ACTR3: variants seen among roughly 807,000 people sequenced by gnomAD.
The protein encoded by ACTR3 is actin related protein 3, also known as actin-related protein 3.
Under a neutral mutation model 56.8 loss-of-function variants are expected in ACTR3, and 12 were observed. That is an observed-to-expected ratio of 0.21 (90% confidence interval 0.14 to 0.34). The LOEUF is 0.34. Among genes scored for constraint, ACTR3 ranks in the 10% least tolerant of loss-of-function variants. ACTR3 has a pLI of 1.00. For missense variants in ACTR3, 282 were observed against 512.5 expected (o/e 0.55, Z 4.34); for synonymous variants, 162 against 167.4 (o/e 0.97, Z 0.25).
chr2:113,890,349 G>C, intron 1 of ACTR3, 26 bp downstream of exon 1: 1 of 1,474,174 alleles, frequency 6.8e-7, no homozygotes, highest in Non-Finnish European at 9.2e-7. Context: ...GGCGGGGGTG[G>C]GGAAACTGAG....
chr2:113,910,190 A>G (rs1383855447), intron 1 of ACTR3, among the ~76,000 whole-genome samples: 1 of 152,132 alleles, frequency 6.6e-6, no homozygotes, highest in Non-Finnish European at 1.5e-5. Context: ...TAAGTTGATC[A>G]CCAGTGGCCA....
chr2:113,947,846 G>A (rs1340826750), intron 8 of ACTR3, among the ~76,000 whole-genome samples: 2 of 151,766 alleles, frequency 1.3e-5, no homozygotes, highest in African/African-American at 4.8e-5. Context: ...AACATTTTCT[G>A]TTGTCTATAG....
chr2:113,908,560 A>G (rs1331317583), intron 1 of ACTR3, among the ~76,000 whole-genome samples: 2 of 151,994 alleles, frequency 1.3e-5, no homozygotes, highest in Admixed American at 6.5e-5. Flanking sequence ...CTCACATATA[A>G]GCATTAAAGT....
intron 3 of ACTR3, among the ~76,000 whole-genome samples, chr2:113,924,054 CTTTTT>C (rs35658755): frequency 1.5e-5 from 2 of 134,978 alleles, no homozygotes; most frequent in Non-Finnish European, 1.6e-5. Flanking sequence ...ACTTTTTTCT[CTTTTT>C]TTTTTTTTTT....
intron 1 of ACTR3, among the ~76,000 whole-genome samples, chr2:113,909,620 TG>T (rs1269347203): frequency 7.0e-6 from 1 of 142,212 alleles, no homozygotes; most frequent in Non-Finnish European, 1.5e-5. Context: ...TTGTTGTTGT[TG>T]TTTTTTTTTT....
chr2:113,924,501 T>G (rs1679580373), intron 3 of ACTR3, among the ~76,000 whole-genome samples: 1 of 152,192 alleles, frequency 6.6e-6, no homozygotes, highest in Admixed American at 6.5e-5. Context: ...GCTGCTATAA[T>G]AGTCTTCCTA....
intron 8 of ACTR3, among the ~76,000 whole-genome samples, chr2:113,943,633 A>G (rs1450823129): frequency 2.6e-5 from 4 of 152,140 alleles, no homozygotes; most frequent in Non-Finnish European, 5.9e-5. Flanking sequence ...GGTGAGAGAA[A>G]AATAGAATCA....
At position 113,934,286 on chromosome 2, in the gene ACTR3, T is replaced by C; in HGVS notation, c.440T>C (p.Leu147Pro). 6.3e-7 allele frequency: 1 copy of C among 1,596,536 alleles called. No homozygotes were observed. The highest frequency in any genetic ancestry group is 8.5e-7 in the Non-Finnish European group (1 of 1,173,316). The stretch of plus-strand genomic sequence containing the variant: ...TCTTTCTTTGTGCTCAAGGCTGTTC[T>C]TGCCTTAGCTGCATCTTGGACCTCA... ...PGLYIAVQAVLALAASWTSRQ... is the reference protein window; with the variant it reads ...PGLYIAVQAVPALAASWTSRQ... Residue 147 changes from leucine to proline, a missense_variant, in exon 6 of 12, where the codon CTT becomes CCT. Transcript: ENST00000263238.
At chr2:113,944,387 A>G (rs969176853) in intron 8 of ACTR3, among the ~76,000 whole-genome samples, 8 of 152,074 alleles carry the variant, frequency 5.3e-5, no homozygotes, top group Admixed American at 3.9e-4. Flanking sequence ...AGGAAAATGA[A>G]CTAGGAAGGG....
In ACTR3 at chr2:113,951,517, T is replaced by C; in HGVS notation, c.897T>C (p.Val299=). 1 of 1,613,194 alleles carries C rather than the reference T, an allele frequency of 6.2e-7. No homozygotes were observed. The highest frequency in any genetic ancestry group is 8.5e-7 in the Non-Finnish European group (1 of 1,179,326). Residue 299 remains valine, a synonymous_variant, in exon 9 of 12, where the codon GTT becomes GTC. Coordinates refer to ENST00000263238, the MANE Select transcript of ACTR3 (RefSeq NM_005721.5). ...ACTTTACACAACCTATCTCAGAAGT[T>C]GTAGATGAAGTAATTCAGAATTGTC... The part of the protein sequence containing the change: ...NPDFTQPISE[V]VDEVIQNCPI...
At chr2:113,941,401 C>T (rs572976237) in intron 7 of ACTR3, among the ~76,000 whole-genome samples, 2 of 152,164 alleles carry the variant, frequency 1.3e-5, no homozygotes, top group Non-Finnish European at 2.9e-5. Flanking sequence ...TTCTCACTTC[C>T]AAGGTTTGGA....
chr2:113,929,540 G>T (rs28384082), intron 4 of ACTR3, among the ~76,000 whole-genome samples: 18,580 of 152,090 alleles, frequency 0.12, 1,789 homozygotes, highest in African/African-American at 0.27. Flanking sequence ...GTATGGAATT[G>T]CAGCGTCATA....
chr2:113,902,384 T>C (rs2104584185), intron 1 of ACTR3, among the ~76,000 whole-genome samples: 1 of 151,854 alleles, frequency 6.6e-6, no homozygotes, highest in East Asian at 1.9e-4. Flanking sequence ...TTATGTAAAA[T>C]GATGTATTAT....
chr2:113,914,621 A>T (rs1295853517), intron 2 of ACTR3, among the ~76,000 whole-genome samples: 1 of 150,130 alleles, frequency 6.7e-6, no homozygotes, highest in Non-Finnish European at 1.5e-5. Flanking sequence ...TCTCAAAAAA[A>T]AAAAAAAAAA....
At chr2:113,937,707 A>G (rs1011615792) in intron 6 of ACTR3, among the ~76,000 whole-genome samples, 5 of 152,122 alleles carry the variant, frequency 3.3e-5, no homozygotes, top group Non-Finnish European at 7.4e-5. Context: ...GTCAGCTGTT[A>G]TTCTTGTGTG....
At chr2:113,945,084 A>G (rs1395841172) in intron 8 of ACTR3, among the ~76,000 whole-genome samples, 1 of 152,184 alleles carries the variant, frequency 6.6e-6, no homozygotes. Context: ...ACACATAATA[A>G]TTGTGAATTG....
chr2:113,922,743 T>A (rs1679534553), intron 3 of ACTR3, among the ~76,000 whole-genome samples: 1 of 152,104 alleles, frequency 6.6e-6, no homozygotes, highest in African/African-American at 2.4e-5. Flanking sequence ...GTAGACAGGA[T>A]GAAAAAAGAA....
chr2:113,939,314 G>C (rs373538584), intron 6 of ACTR3, among the ~76,000 whole-genome samples: 1 of 152,238 alleles, frequency 6.6e-6, no homozygotes, highest in Middle Eastern at 3.4e-3. Context: ...GAGCCACCGC[G>C]CCCGGCCGAA....
At chr2:113,891,359 A>G (rs1396153648) in intron 1 of ACTR3, among the ~76,000 whole-genome samples, 1 of 151,584 alleles carries the variant, frequency 6.6e-6, no homozygotes, top group Non-Finnish European at 1.5e-5. Flanking sequence ...GTAGATATGT[A>G]GGGTAGTTTG....
Sources: allele counts gnomAD v4.1 joint callset (sites outside exome capture counted in the v4.1 genomes callset), GRCh38; gene constraint gnomAD v4.1.1; transcripts MANE v1.5; gene names NCBI Gene and HGNC (gene_info 2026-07-23, HGNC 2026-07-21).